ADGB: variants seen among roughly 807,000 people sequenced by gnomAD.
ADGB encodes the protein calpain-7-like protein.
ADGB carries 172 observed loss-of-function variants against 210.5 expected under a neutral mutation model. The ratio of observed to expected loss-of-function variants is 0.82; its 90% CI spans 0.72 to 0.93. ADGB has a LOEUF of 0.93. ADGB is among the 40% of genes least tolerant of loss of function. ADGB has a pLI of 0.00. For missense variants in ADGB, 2,025 were observed against 1,964.8 expected (o/e 1.03, Z -0.58); for synonymous variants, 658 against 662.7 (o/e 0.99, Z 0.11).
At chr6:146,742,638 A>G (rs1328782329) in intron 25 of ADGB, among the ~76,000 whole-genome samples, 1 of 152,192 alleles carries the variant, frequency 6.6e-6, no homozygotes, top group Non-Finnish European at 1.5e-5. Flanking sequence ...ATATCACTTA[A>G]AAACAGAATA....
intron 13 of ADGB, among the ~76,000 whole-genome samples, chr6:146,706,852 T>TG (rs1776579475): frequency 1.3e-5 from 2 of 150,638 alleles, no homozygotes; most frequent in African/African-American, 4.8e-5. Context: ...AGTGTTTTTT[T>TG]TTTTTTTTTT....
intron 35 of ADGB, among the ~76,000 whole-genome samples, chr6:146,805,301 A>AC (rs1778195122): frequency 6.6e-6 from 1 of 152,196 alleles, no homozygotes; most frequent in South Asian, 2.1e-4. Flanking sequence ...CACCTTGGTG[A>AC]CACCTTGATG....
chr6:146,712,003 A>C (rs1415046566), intron 13 of ADGB, among the ~76,000 whole-genome samples: 1 of 151,934 alleles, frequency 6.6e-6, no homozygotes, highest in Non-Finnish European at 1.5e-5. Context: ...GCTGGAGGGA[A>C]ATAAGATCAC....
At chr6:146,760,066 CT>C (rs372819616) in intron 27 of ADGB, among the ~76,000 whole-genome samples, 313 of 151,802 alleles carry the variant, frequency 2.1e-3, no homozygotes, top group African/African-American at 6.9e-3. Context: ...GAATTAATGA[CT>C]AATGGATGGA....
chr6:146,661,879 T>A (rs1775866007), intron 5 of ADGB, among the ~76,000 whole-genome samples: 1 of 152,170 alleles, frequency 6.6e-6, no homozygotes, highest in Non-Finnish European at 1.5e-5. Context: ...AGTGATATGA[T>A]TCTGGGTTAG....
chr6:146,624,277 A>G (rs1780940912), intron 1 of ADGB, among the ~76,000 whole-genome samples: 1 of 151,906 alleles, frequency 6.6e-6, no homozygotes, highest in Non-Finnish European at 1.5e-5. Context: ...TCATATCTCC[A>G]ATCCAATTTA....
intron 33 of ADGB, among the ~76,000 whole-genome samples, chr6:146,793,294 C>G (rs371629199): frequency 7.7e-4 from 118 of 152,290 alleles, no homozygotes; most frequent in African/African-American, 2.5e-3. Context: ...TTACAATCCT[C>G]TTGTAAGACA....
intron 35 of ADGB, chr6:146,802,722 G>C: frequency 1.4e-6 from 2 of 1,401,058 alleles, no homozygotes; most frequent in Non-Finnish European, 2.0e-6. Flanking sequence ...GTTCTCAGAC[G>C]AGACTTTTTT....
At chr6:146,775,325 A>T (rs1244794480) in intron 29 of ADGB, among the ~76,000 whole-genome samples, 1 of 152,136 alleles carries the variant, frequency 6.6e-6, no homozygotes, top group Non-Finnish European at 1.5e-5. Flanking sequence ...AATAATGGCT[A>T]TGTACAACTT....
Position 146,598,975 on chromosome 6 carries a change from C to A in ADGB, c.-66C>A. On this transcript the variant is annotated 5_prime_UTR_variant, in exon 1 of 36. Coordinates refer to ENST00000397944, the MANE Select transcript of ADGB (RefSeq NM_024694.4). ...GGACGCCGTCTCCTGGCAACGCAGA[C>A]GCGGAGCCGAGCGCGCCCGCAGGCT... The A allele has an allele frequency of 2.8e-6, 4 of 1,423,620 alleles. No individual in the cohort carries two copies. Among genetic ancestry groups the A allele is most frequent in the South Asian group, 1.2e-5 (1 of 81,362 alleles). 88.2% of individuals were successfully genotyped at this position (1,423,620 alleles called of 1,614,324 possible).
At chr6:146,712,305 C>A (rs922709597) in intron 13 of ADGB, among the ~76,000 whole-genome samples, 2 of 152,010 alleles carry the variant, frequency 1.3e-5, no homozygotes, top group Non-Finnish European at 2.9e-5. Context: ...CTGCCTCAGC[C>A]TCCCAAGTAG....
intron 25 of ADGB, 63 bp from the exon 26 acceptor site, chr6:146,745,859 A>G (rs750891896): frequency 1.3e-4 from 169 of 1,298,820 alleles, no homozygotes; most frequent in Non-Finnish European, 1.6e-4. Flanking sequence ...ACTATTAGAT[A>G]TTGTACATTC....
intron 1 of ADGB, among the ~76,000 whole-genome samples, chr6:146,611,878 C>A (rs894999010): frequency 6.6e-6 from 1 of 152,024 alleles, no homozygotes; most frequent in African/African-American, 2.4e-5. Flanking sequence ...TGGTTAAAGT[C>A]TTTATGGATA....
intron 26 of ADGB, among the ~76,000 whole-genome samples, chr6:146,747,949 ATTTTTGTAT>A (rs1488079050): frequency 6.6e-6 from 1 of 151,278 alleles, no homozygotes; most frequent in African/African-American, 2.4e-5. Context: ...AGCCTAGTTA[ATTTTTGTAT>A]TTTTTGTAGA....
At chr6:146,790,674 G>A (rs968022686) in intron 33 of ADGB, among the ~76,000 whole-genome samples, 5 of 152,074 alleles carry the variant, frequency 3.3e-5, no homozygotes, top group African/African-American at 9.7e-5. Context: ...CCTCTTTTAC[G>A]TACTTATTTT....
chr6:146,793,505 C>T (rs527414026), intron 33 of ADGB, among the ~76,000 whole-genome samples: 1 of 152,272 alleles, frequency 6.6e-6, no homozygotes, highest in South Asian at 2.1e-4. Context: ...AGTCAAACAG[C>T]CAGTGGGTCG....
At chr6:146,689,200 A>G (rs1476288573) in intron 10 of ADGB, among the ~76,000 whole-genome samples, 3 of 152,158 alleles carry the variant, frequency 2.0e-5, no homozygotes, top group African/African-American at 4.8e-5. Flanking sequence ...TATGCAGCAT[A>G]TGTATATTGA....
rs1295974475 is a variant in ADGB, at chr6:146,606,134, G to A, written c.74+7020G>A. Among the ~76,000 whole-genome samples the A allele has an allele frequency of 3.3e-5, 5 of 152,192 alleles. No homozygotes were observed. The East Asian group carries it at 7.7e-4, about 24-fold the overall frequency. On this transcript the variant is annotated intron_variant, in intron 1 of 35. Coordinates refer to ENST00000397944, the MANE Select transcript of ADGB (RefSeq NM_024694.4). ...TATCCATTCTTAATGGTGTGAGATG[G>A]TATTTCACTGTGGTTTTGATTGGTA...
At chr6:146,765,592 TAAATA>T (rs1232901700) in intron 28 of ADGB, among the ~76,000 whole-genome samples, 1 of 150,776 alleles carries the variant, frequency 6.6e-6, no homozygotes, top group Non-Finnish European at 1.5e-5. Flanking sequence ...ATAATAAAAC[TAAATA>T]AAATATATTA....
Sources: allele counts gnomAD v4.1 joint callset (sites outside exome capture counted in the v4.1 genomes callset), GRCh38; gene constraint gnomAD v4.1.1; transcripts MANE v1.5; gene names NCBI Gene and HGNC (gene_info 2026-07-23, HGNC 2026-07-21).